PARD3B: variants seen among roughly 807,000 people sequenced by gnomAD.
PARD3B encodes partitioning defective 3 homolog B.
A neutral mutation model predicts 130.2 loss-of-function variants in PARD3B; 103 were observed. The observed-to-expected ratio is 0.79, with a 90% CI of 0.67 to 0.93. The LOEUF (loss-of-function observed/expected upper bound fraction) is 0.93, where lower values mean the gene tolerates loss of function less well. Among genes scored for constraint, PARD3B ranks in the 40% least tolerant of loss-of-function variants. The probability of loss-of-function intolerance (pLI) is 0.00; values close to 1 mark genes in which losing one functional copy is unlikely to be tolerated. For missense variants in PARD3B, 1,609 were observed against 1,499.2 expected (o/e 1.07, Z -1.21); for synonymous variants, 583 against 553.2 (o/e 1.05, Z -0.76).
intron 21 of PARD3B, among the ~76,000 whole-genome samples, chr2:205,507,334 C>T (rs1482414406): frequency 6.7e-6 from 1 of 150,198 alleles, no homozygotes; most frequent in Admixed American, 6.7e-5. Flanking sequence ...CCTGCCTCAG[C>T]CTCCCAAGTA....
intron 1 of PARD3B, among the ~76,000 whole-genome samples, chr2:204,553,677 T>TAC (rs2030688258): frequency 8.4e-6 from 1 of 119,178 alleles, no homozygotes; most frequent in African/African-American, 4.0e-5. Context: ...TATATATATA[T>TAC]ATATATATAT....
At chr2:204,553,230 T>C (rs1460172147) in intron 1 of PARD3B, among the ~76,000 whole-genome samples, 1 of 152,078 alleles carries the variant, frequency 6.6e-6, no homozygotes, top group Non-Finnish European at 1.5e-5. Context: ...CCTGCAAGAA[T>C]GGCCATCATC....
chr2:205,433,159 G>A (rs1203885882), intron 19 of PARD3B, among the ~76,000 whole-genome samples: 1 of 152,124 alleles, frequency 6.6e-6, no homozygotes, highest in Non-Finnish European at 1.5e-5. Flanking sequence ...TATAAATAAT[G>A]AATCTAAATT....
intron 22 of PARD3B, among the ~76,000 whole-genome samples, chr2:205,569,159 T>G (rs1345610226): frequency 2.0e-5 from 3 of 146,748 alleles, no homozygotes; most frequent in Non-Finnish European, 4.5e-5. Context: ...ATTTTTCTCA[T>G]GTTTATTAGA....
At chr2:205,154,192 A>G (rs1282956157) in intron 10 of PARD3B, among the ~76,000 whole-genome samples, 1 of 152,134 alleles carries the variant, frequency 6.6e-6, no homozygotes. Flanking sequence ...ACTTAAACTA[A>G]TTTACAAGAA....
At chr2:205,073,466 T>TG (rs1487026955) in intron 4 of PARD3B, among the ~76,000 whole-genome samples, 1 of 152,210 alleles carries the variant, frequency 6.6e-6, no homozygotes, top group East Asian at 1.9e-4. Context: ...CATCTCATGC[T>TG]ATTTTTTCGG....
intron 18 of PARD3B, among the ~76,000 whole-genome samples, chr2:205,356,868 G>A (rs1435217725): frequency 1.4e-5 from 2 of 138,130 alleles, no homozygotes. Context: ...TCCAGCCTGG[G>A]CATCACAGCA....
rs1187724151 is a variant in PARD3B at position 205,012,955 on chromosome 2, C to G, written c.395-34626C>G. 2.0e-5 allele frequency among the ~76,000 whole-genome samples: 3 copies of G among 152,184 alleles called. No homozygotes were observed. In the East Asian group the frequency reaches 5.8e-4, roughly 29 times the overall value. The stretch of plus-strand genomic sequence containing the variant: ...ATACAGCATTTCTAAAACGAGTAAC[C>G]TTTAACTTATCTAGCATAAGCAGAA... On this transcript the variant is annotated intron_variant, in intron 3 of 22. Coordinates refer to ENST00000406610, the MANE Select transcript of PARD3B (RefSeq NM_001302769.2).
rs914393488 is a variant in PARD3B at position 205,263,493 on chromosome 2, T to C, written c.2185+17671T>C. Among the ~76,000 whole-genome samples, 1 of 151,138 alleles carries C rather than the reference T, an allele frequency of 6.6e-6. No homozygotes were observed. The highest frequency in any genetic ancestry group is 2.4e-5 in the African/African-American group (1 of 41,102). ...TTTCACTTCTTATAAACCTTCAATATGGAACAATTATATGACCACATGCAA... is the reference window on the plus strand; with the variant it reads ...TTTCACTTCTTATAAACCTTCAATACGGAACAATTATATGACCACATGCAA... On this transcript the variant is annotated intron_variant, in intron 16 of 22. Transcript: ENST00000406610. The surrounding 1 kb of genome is among the most constrained non-coding windows in gnomAD (Gnocchi z 4.0).
At chr2:204,918,486 C>T (rs923591943) in intron 2 of PARD3B, among the ~76,000 whole-genome samples, 2 of 151,722 alleles carry the variant, frequency 1.3e-5, no homozygotes, top group East Asian at 1.9e-4. Context: ...AAAAATTAAC[C>T]GGGCGTAGTG....
At chr2:204,552,018 T>C (rs1426436414) in intron 1 of PARD3B, among the ~76,000 whole-genome samples, 1 of 152,206 alleles carries the variant, frequency 6.6e-6, no homozygotes, top group African/African-American at 2.4e-5. Flanking sequence ...ATGTGCCTAG[T>C]GCAACTGAGG....
In PARD3B at chr2:205,286,488, A is replaced by G. The variant is rs1381497798; in HGVS notation, c.2186-14042A>G. Among the ~76,000 whole-genome samples, 4 of 152,172 alleles carry G rather than the reference A, an allele frequency of 2.6e-5. 1 individual carries two copies. The highest frequency in any genetic ancestry group is 3.8e-4 in the East Asian group (2 of 5,198). ...TTTCAATTCCAAGTCCCCACTGAAC[A>G]TGCCTCCTATATCAAATCTTGTTGT... On this transcript the variant is annotated intron_variant, in intron 16 of 22. Coordinates refer to ENST00000406610, the MANE Select transcript of PARD3B (RefSeq NM_001302769.2).
At chr2:204,855,868 CA>C (rs2044914014) in intron 2 of PARD3B, among the ~76,000 whole-genome samples, 1 of 152,062 alleles carries the variant, frequency 6.6e-6, no homozygotes, top group Non-Finnish European at 1.5e-5. Context: ...TATGTTGTCC[CA>C]AAGGATGGAA....
chr2:205,279,765 A>G (rs370847678), intron 16 of PARD3B, among the ~76,000 whole-genome samples: 4 of 151,970 alleles, frequency 2.6e-5, no homozygotes, highest in Non-Finnish European at 5.9e-5. Context: ...CCTAAAATGA[A>G]CCCCCTCTTG....
At chr2:205,009,513 T>C (rs1695537929) in intron 3 of PARD3B, among the ~76,000 whole-genome samples, 1 of 150,236 alleles carries the variant, frequency 6.7e-6, no homozygotes, top group Non-Finnish European at 1.5e-5. Context: ...CTACTAAAAA[T>C]ACAAAAAATT....
At chr2:204,797,362 C>T (rs897036860) in intron 2 of PARD3B, among the ~76,000 whole-genome samples, 6 of 152,162 alleles carry the variant, frequency 3.9e-5, no homozygotes, top group Admixed American at 6.5e-5. Context: ...AAATGGATTA[C>T]AAAAGTACAT....
Position 205,300,124 on chromosome 2 carries a change from G to C in PARD3B, c.2186-406G>C, listed in dbSNP as rs1224179479. Among the ~76,000 whole-genome samples the C allele has an allele frequency of 6.6e-6, 1 of 152,140 alleles. No homozygotes were observed. Among genetic ancestry groups the C allele is most frequent in the African/African-American group, 2.4e-5 (1 of 41,440 alleles). ...GTCATGTTAGGTGCTTGGTATGTTT[G>C]TGTGTGTGTCTGTGAGTATGCATGT... On this transcript the variant is annotated intron_variant, in intron 16 of 22. Coordinates refer to ENST00000406610, the MANE Select transcript of PARD3B (RefSeq NM_001302769.2). The surrounding 1 kb of genome is among the most constrained non-coding windows in gnomAD (Gnocchi z 4.1).
intron 1 of PARD3B, among the ~76,000 whole-genome samples, chr2:204,637,858 G>C: frequency 6.6e-6 from 1 of 152,002 alleles, no homozygotes; most frequent in East Asian, 1.9e-4. Context: ...AGAGAAGAAT[G>C]CACAGTGTAC....
intron 2 of PARD3B, among the ~76,000 whole-genome samples, chr2:204,751,023 T>G (rs1207481902): frequency 6.6e-6 from 1 of 152,230 alleles, no homozygotes; most frequent in Non-Finnish European, 1.5e-5. Flanking sequence ...TCTATGCCTG[T>G]GGAAAAGTTA....
Sources: allele counts gnomAD v4.1 joint callset (sites outside exome capture counted in the v4.1 genomes callset), GRCh38; gene constraint gnomAD v4.1.1; non-coding constraint Gnocchi (gnomAD v3.1); transcripts MANE v1.5; gene names NCBI Gene and HGNC (gene_info 2026-07-23, HGNC 2026-07-21).